The following CCDC163 variants were observed in gnomAD, a reference collection of about 807,000 sequenced individuals.
CCDC163 encodes the protein transmembrane protein CCDC163.
Under a neutral mutation model 8.2 loss-of-function variants are expected in CCDC163, and 13 were observed. The observed-to-expected ratio is 1.59, with a 90% CI of 1.04 to 2.54. CCDC163 has a LOEUF of 2.54. Among genes scored for constraint, CCDC163 ranks in the 30% most tolerant of loss-of-function variants. The probability of loss-of-function intolerance (pLI) is 0.00; values close to 1 mark genes in which losing one functional copy is unlikely to be tolerated. For synonymous variants in CCDC163, 41 were observed against 30.9 expected, an observed-to-expected ratio of 1.33 and a Z score of -1.08; for missense variants, 117 against 78.6, an observed-to-expected ratio of 1.49 and a Z score of -1.85.
chr1:45,497,568 G>A (rs911817085), intron 2 of CCDC163, among the ~76,000 whole-genome samples, 185 bp from the exon 3 acceptor site: 5 of 140,154 alleles, frequency 3.6e-5, no homozygotes, highest in Admixed American at 7.3e-5. Context: ...GCGTGATCTC[G>A]GCTCGCTACA....
Position 45,498,254 on chromosome 1 carries a change from A to C in CCDC163, c.178-871T>G, listed in dbSNP as rs562751877. On this transcript the variant is annotated intron_variant, in intron 2 of 4. Transcript: ENST00000629482. ...GGACACAAACACTGCCGAAGGCCGC[A>C]GGGTCCTCTGCCTAGGAAAACCAGA... 3.9e-4 allele frequency among the ~76,000 whole-genome samples: 59 copies of C among 152,130 alleles called. 3 individuals carry two copies. The highest frequency in any genetic ancestry group is 1.4e-3 in the African/African-American group (57 of 41,518).
In CCDC163 at chr1:45,496,423, C is replaced by G. The variant is rs185881931; in HGVS notation, c.330+133G>C. Reference sequence around the variant, plus strand: ...GAAGAGCTCTGGAGAGAGAGAGAGTCAGCACAGGGAAGAGAGGAATGAAGA... The same window carrying G: ...GAAGAGCTCTGGAGAGAGAGAGAGTGAGCACAGGGAAGAGAGGAATGAAGA... On this transcript the variant is annotated intron_variant, in intron 4 of 4. Transcript: ENST00000629482. 3.6e-4 allele frequency: 256 copies of G among 702,412 alleles called. 1 individual carries two copies. In the African/African-American group the frequency reaches 4.2e-3, roughly 12 times the overall value. 43.5% of individuals were successfully genotyped at this position (702,412 alleles called of 1,614,324 possible).
intron 4 of CCDC163, chr1:45,496,087 A>G (rs1476846824): frequency 3.5e-6 from 1 of 284,594 alleles, no homozygotes; most frequent in African/African-American, 2.2e-5. Context: ...CAAATCTAGG[A>G]TAGCTGAACT....
chr1:45,497,712 G>GC (rs1643369910), intron 2 of CCDC163, among the ~76,000 whole-genome samples: 5 of 55,570 alleles, frequency 9.0e-5, no homozygotes, highest in South Asian at 6.3e-4. Context: ...GAGGTGGAGG[G>GC]GGTCAGCCCC....
At chr1:45,496,495 CAG>C (rs1413678692) in intron 4 of CCDC163, 59 bp downstream of exon 4, 1 of 754,786 alleles carries the variant, frequency 1.3e-6, no homozygotes, top group African/African-American at 1.7e-5. Context: ...ACAGGATAGA[CAG>C]AGAAAGGAAA....
intron 2 of CCDC163, among the ~76,000 whole-genome samples, chr1:45,497,601 C>A (rs1248252058): frequency 7.4e-6 from 1 of 134,242 alleles, no homozygotes; most frequent in Non-Finnish European, 1.6e-5. Context: ...CAGCCGCCTG[C>A]CTTGGCCTCC....
intron 2 of CCDC163, among the ~76,000 whole-genome samples, chr1:45,497,618 G>A (rs1449706116): frequency 3.9e-5 from 5 of 128,038 alleles, no homozygotes; most frequent in Admixed American, 1.8e-4. Flanking sequence ...CTCCCAAAGT[G>A]CCGAGACTGC....
intron 2 of CCDC163, among the ~76,000 whole-genome samples, chr1:45,498,248 GGCC>G (rs1236549044): frequency 3.3e-5 from 5 of 152,056 alleles, no homozygotes; most frequent in Admixed American, 2.0e-4. Context: ...CACTGCCGAA[GGCC>G]GCAGGGTCCT....
Position 45,495,501 on chromosome 1 carries a change from G to C in CCDC163, c.331-335C>G, listed in dbSNP as rs1342139333. ...GGATGAAGAAACAGACATGGTGAAG[G>C]TAGTGGGCAGAGGCAGCTTAGATTG... On this transcript the variant is annotated intron_variant, in intron 4 of 4. Coordinates refer to ENST00000629482, the MANE Select transcript of CCDC163 (RefSeq NM_001102601.3). 4.3e-6 allele frequency: 3 copies of C among 702,900 alleles called. No homozygotes were observed. The South Asian group carries it at 4.4e-5, about 10-fold the overall frequency. 43.5% of individuals were successfully genotyped at this position (702,900 alleles called of 1,614,324 possible).
Position 45,499,679 on chromosome 1 carries a change from A to G in CCDC163, c.-70T>C. 1 of 710,994 alleles carries G rather than the reference A, an allele frequency of 1.4e-6. No individual in the cohort carries two copies. Among genetic ancestry groups the G allele is most frequent in the Non-Finnish European group, 2.6e-6 (1 of 382,010 alleles). 44.0% of individuals were successfully genotyped at this position (710,994 alleles called of 1,614,324 possible). On this transcript the variant is annotated 5_prime_UTR_variant, in exon 1 of 5. Coordinates refer to ENST00000629482, the MANE Select transcript of CCDC163 (RefSeq NM_001102601.3). ...TGTGCTTGCTCTCCTAGCGGGGGAT[A>G]CCCAAGGTATCCCCAGGAAAGGCCA...
rs773207555 is a variant in CCDC163 at position 45,496,616 on chromosome 1, G to A, written c.270C>T (p.His90=). 1.2e-5 allele frequency: 9 copies of A among 779,938 alleles called. No homozygotes were observed. The Admixed American group carries it at 1.4e-4, about 12-fold the overall frequency. 48.3% of individuals were successfully genotyped at this position (779,938 alleles called of 1,614,324 possible). A position where few individuals can be genotyped will look rare whatever the true frequency, so the allele number is the denominator to read the frequency against. ...CCAGCTGTTTCAGCAGCAGCTCCTG[G>A]TGCTGGCCTGCAGATGAGAGAGAAT... is the stretch of plus-strand genomic sequence containing the variant. ...LKLLQYQLSQ[H]QELLLKQLAE... is the part of the protein sequence containing the mutation. Residue 90 remains histidine (H), a synonymous_variant, in exon 4 of 5, where the codon CAC becomes CAT. Coordinates refer to ENST00000629482, the MANE Select transcript of CCDC163 (RefSeq NM_001102601.3).
In CCDC163 at chr1:45,496,360, G is replaced by C. The variant is rs144773514; in HGVS notation, c.330+196C>G. The C allele has an allele frequency of 5.8e-4, 395 of 685,052 alleles. 3 individuals are homozygous for C. The African/African-American group carries it at 6.3e-3, about 11-fold the overall frequency. The allele number at this position is 685,052 out of a possible 1,614,324, so 42.4% of individuals were successfully genotyped here. A position where few individuals can be genotyped will look rare whatever the true frequency, so the allele number is the denominator to read the frequency against. Reference sequence around the variant, plus strand: ...ACACTTGGAACCCTCATGTCGGCAAGGATAGTTTCTCATGGCCGGGAGCAG... The same window carrying C: ...ACACTTGGAACCCTCATGTCGGCAACGATAGTTTCTCATGGCCGGGAGCAG... On this transcript the variant is annotated intron_variant, in intron 4 of 4. Transcript: ENST00000629482.
chr1:45,495,567 G>A (rs1654042639), intron 4 of CCDC163: 1 of 687,730 alleles, frequency 1.5e-6, no homozygotes. Flanking sequence ...AACAGAACCA[G>A]AAACAGAGAA....
rs1187230979 is a variant in CCDC163 at position 45,495,100 on chromosome 1, T to C, written c.397A>G (p.Ser133Gly). ...GCCCCAAAGGAATAGGTCCTCTTGC[T>C]TAAGACTCTGGGCATGGAGCTGAAA... ...ASFSSMPRVL[S>G]KRTYSFGAPK... Residue 133 changes from serine to glycine, a missense_variant, in exon 5 of 5, where the codon AGC becomes GGC. By Grantham distance (56) the Ser-to-Gly change is moderately conservative. Coordinates refer to ENST00000629482, the MANE Select transcript of CCDC163 (RefSeq NM_001102601.3). 2 of 780,868 alleles carry C rather than the reference T, an allele frequency of 2.6e-6. No individual in the cohort carries two copies. The highest frequency in any genetic ancestry group is 2.4e-6 in the Non-Finnish European group (1 of 417,988). 48.4% of individuals were successfully genotyped at this position (780,868 alleles called of 1,614,324 possible).
At position 45,499,349 on chromosome 1, in the gene CCDC163, G is replaced by A. The variant is rs1308944064; in HGVS notation, c.173C>T (p.Pro58Leu). Residue 58 changes from proline (P) to leucine (L), a missense_variant, in exon 2 of 5, where the codon CCG (proline) becomes CTG (leucine). Coordinates refer to ENST00000629482, the MANE Select transcript of CCDC163 (RefSeq NM_001102601.3). ...GTAGAAAGAGACATTACTTACCTGC[G>A]GTGGAGACCCCAAGAAGATACAGCC... ...SSGCIFLGSP[P>L]QNSTAVTPAV... 6.4e-6 allele frequency: 5 copies of A among 775,904 alleles called. No homozygotes were observed. The highest frequency in any genetic ancestry group is 3.4e-5 in the African/African-American group (2 of 58,974). The allele number at this position is 775,904 out of a possible 1,614,324, so 48.1% of individuals were successfully genotyped here.
chr1:45,495,910 G>A (rs756640979), intron 4 of CCDC163, among the ~76,000 whole-genome samples: 3 of 151,918 alleles, frequency 2.0e-5, no homozygotes, highest in Non-Finnish European at 2.9e-5. Flanking sequence ...CGCCCACCTC[G>A]GCCTCCCAAA....
intron 4 of CCDC163, chr1:45,496,306 T>TCTCCCTCC (rs1654126359): frequency 1.7e-6 from 1 of 571,690 alleles, no homozygotes. Flanking sequence ...CCTCTCCCTC[T>TCTCCCTCC]CTCCCTCCCC....
chr1:45,496,160 T>C (rs1423993540), intron 4 of CCDC163: 5 of 340,506 alleles, frequency 1.5e-5, no homozygotes, highest in South Asian at 2.5e-5. Context: ...CCATACCCCC[T>C]GACCTAAGGA....
At chr1:45,496,961 G>A (rs533852461) in intron 3 of CCDC163, among the ~76,000 whole-genome samples, 1 of 152,288 alleles carries the variant, frequency 6.6e-6, no homozygotes, top group African/African-American at 2.4e-5. Context: ...AGGAGTTCGA[G>A]ACCAGCTCGG....
Sources: gnomAD v4.1 joint callset for allele counts (sites outside exome capture counted in the v4.1 genomes callset) on GRCh38, gnomAD v4.1.1 for gene constraint, MANE v1.5 for transcripts, NCBI Gene and HGNC (gene_info 2026-07-23, HGNC 2026-07-21) for gene names.